The following NDUFAB1 variants were observed in gnomAD, a reference collection of about 807,000 sequenced individuals.
NDUFAB1 encodes the protein NADH:ubiquinone oxidoreductase subunit AB1, also known as acyl carrier protein, mitochondrial.
Under a neutral mutation model 16.1 loss-of-function variants are expected in NDUFAB1, and 5 were observed. The ratio of observed to expected loss-of-function variants is 0.31; its 90% CI spans 0.16 to 0.65. The LOEUF is 0.65. Ranked by LOEUF, NDUFAB1 falls within the 30% of genes least tolerant of loss-of-function variation. The pLI is 0.77. For missense variants in NDUFAB1, 187 were observed against 205.3 expected, an observed-to-expected ratio of 0.91 and a Z score of 0.54; for synonymous variants, 85 against 78.4, an observed-to-expected ratio of 1.08 and a Z score of -0.44.
At chr16:23,583,847 A>T (rs1489303709) in intron 3 of NDUFAB1, among the ~76,000 whole-genome samples, 1 of 152,162 alleles carries the variant, frequency 6.6e-6, no homozygotes, top group Non-Finnish European at 1.5e-5. Flanking sequence ...AGATAGAGAA[A>T]TCAGATTGTT....
intron 1 of NDUFAB1, chr16:23,591,098 G>A (rs1366714145): frequency 6.6e-6 from 1 of 152,070 alleles, no homozygotes; most frequent in Non-Finnish European, 1.5e-5. Flanking sequence ...CTCACCCCAT[G>A]TCCTTCCAGC....
chr16:23,585,271 A>G (rs961117109), intron 3 of NDUFAB1, 65 bp downstream of exon 3: 22 of 1,186,728 alleles, frequency 1.9e-5, no homozygotes, highest in Non-Finnish European at 2.6e-5. Flanking sequence ...GACGCCCACC[A>G]CTTCTTTCAG....
At chr16:23,588,512 T>A (rs1157388875) in intron 1 of NDUFAB1, among the ~76,000 whole-genome samples, 1 of 152,330 alleles carries the variant, frequency 6.6e-6, no homozygotes, top group African/African-American at 2.4e-5. Flanking sequence ...CTCCTGAAGT[T>A]GATTTTAAGT....
At chr16:23,595,150 G>T (rs996091177) in intron 1 of NDUFAB1, among the ~76,000 whole-genome samples, 1 of 152,068 alleles carries the variant, frequency 6.6e-6, no homozygotes, top group Non-Finnish European at 1.5e-5. Context: ...ACTCGGGGGG[G>T]CTGAGGGAGG....
At chr16:23,593,014 C>T (rs1234779720) in intron 1 of NDUFAB1, among the ~76,000 whole-genome samples, 2 of 152,172 alleles carry the variant, frequency 1.3e-5, no homozygotes, top group African/African-American at 2.4e-5. Context: ...GGGTTAGGCA[C>T]ACCAGGTGTG....
intron 3 of NDUFAB1, 140 bp from the exon 4 acceptor site, chr16:23,582,515 G>C (rs1446472342): frequency 1.5e-5 from 17 of 1,166,812 alleles, no homozygotes; most frequent in Non-Finnish European, 4.5e-6. Context: ...TTGTGGGCCA[G>C]TTAGCTTCTA....
Position 23,584,254 on chromosome 16 carries a change from T to TAAAAAA in NDUFAB1, c.379+1081_379+1082insTTTTTT, listed in dbSNP as rs774895056. ...GCGAGAAACACCCAAGAATGATCAA[T>TAAAAAA]TAAAAAAAAAAAAAAAAAAAGAAAC... On this transcript the variant is annotated intron_variant, in intron 3 of 4. Coordinates refer to ENST00000007516, the MANE Select transcript of NDUFAB1 (RefSeq NM_005003.3). Among the ~76,000 whole-genome samples, 51 of 12,092 alleles carry TAAAAAA rather than the reference T, an allele frequency of 4.2e-3. 1 individual carries two copies. Among genetic ancestry groups the TAAAAAA allele is most frequent in the East Asian group, 0.01 (3 of 300 alleles). The allele number at this position is 12,092 out of a possible 152,430, so 7.9% of individuals were successfully genotyped here.
chr16:23,584,631 G>A (rs1028108047), intron 3 of NDUFAB1, among the ~76,000 whole-genome samples: 1 of 152,100 alleles, frequency 6.6e-6, no homozygotes, highest in African/African-American at 2.4e-5. Flanking sequence ...TTACAGCTGA[G>A]GAAACAGGCT....
intron 3 of NDUFAB1, among the ~76,000 whole-genome samples, chr16:23,584,272 A>AAAAAAAAAAAAAAAAAC: frequency 7.1e-6 from 1 of 140,182 alleles, no homozygotes; most frequent in Non-Finnish European, 1.6e-5. Flanking sequence ...AAAAAAAAAA[A>AAAAAAAAAAAAAAAAAC]AAGAAACCCA....
chr16:23,586,940 G>A (rs530950078), intron 2 of NDUFAB1, among the ~76,000 whole-genome samples: 2 of 152,254 alleles, frequency 1.3e-5, no homozygotes, highest in Non-Finnish European at 2.9e-5. Flanking sequence ...GAGCCACAGT[G>A]CCCGGCCAGT....
chr16:23,589,942 GA>G (rs57098255), intron 1 of NDUFAB1, among the ~76,000 whole-genome samples: 3,365 of 70,480 alleles, frequency 0.048, 28 homozygotes, highest in African/African-American at 0.069. Context: ...TCTCCAAAAA[GA>G]AAAAAAAAAA....
At chr16:23,585,279 C>A in intron 3 of NDUFAB1, 57 bp downstream of exon 3, 1 of 1,268,962 alleles carries the variant, frequency 7.9e-7, no homozygotes, top group Admixed American at 1.8e-5. Flanking sequence ...CCACTTCTTT[C>A]AGTTTAATCC....
At chr16:23,595,434 G>A (rs1966315941) in intron 1 of NDUFAB1, 2 of 383,566 alleles carry the variant, frequency 5.2e-6, no homozygotes, top group Middle Eastern at 4.1e-4. Context: ...CTCACGTCCC[G>A]CAGTCAGCCT....
chr16:23,587,358 G>GA (rs762420629), intron 1 of NDUFAB1, 39 bp from the exon 2 acceptor site: 6 of 1,604,762 alleles, frequency 3.7e-6, no homozygotes, highest in Non-Finnish European at 5.1e-6. Context: ...TCATTGAATG[G>GA]AAAATACCTC....
chr16:23,584,120 C>A (rs868058873), intron 3 of NDUFAB1, among the ~76,000 whole-genome samples: 1 of 151,232 alleles, frequency 6.6e-6, no homozygotes, highest in Non-Finnish European at 1.5e-5. Flanking sequence ...ACAAACACTG[C>A]GGAAGGCCCC....
At chr16:23,595,761 C>T (rs991178660) in intron 1 of NDUFAB1, 1 of 464,804 alleles carries the variant, frequency 2.2e-6, no homozygotes, top group Non-Finnish European at 4.1e-6. Context: ...ATTTTGAGAC[C>T]GTACGAGGTG....
intron 1 of NDUFAB1, among the ~76,000 whole-genome samples, chr16:23,593,887 T>G (rs1158219746): frequency 1.3e-5 from 2 of 149,118 alleles, no homozygotes; most frequent in African/African-American, 4.9e-5. Flanking sequence ...TTTATTTATT[T>G]ATTTATTTAT....
rs74014950 is a variant in NDUFAB1 at position 23,595,957 on chromosome 16, G to A, written c.168+166C>T. The stretch of plus-strand genomic sequence containing the variant: ...TTATTACGAGGTCACCCGGCCTCCC[G>A]TCAGGGGTCAACTAAACACCTTTAG... On this transcript the variant is annotated intron_variant, in intron 1 of 4. Transcript: ENST00000007516. Among the ~76,000 whole-genome samples, 244 of 152,334 alleles carry A rather than the reference G, an allele frequency of 1.6e-3. 1 individual carries two copies. The highest frequency in any genetic ancestry group is 5.5e-3 in the African/African-American group (228 of 41,590).
intron 3 of NDUFAB1, among the ~76,000 whole-genome samples, chr16:23,584,242 A>C (rs1209244423): frequency 9.5e-6 from 1 of 105,334 alleles, no homozygotes; most frequent in East Asian, 2.8e-4. Context: ...AGAAACACCC[A>C]AGAATGATCA....
Sources: gnomAD v4.1 joint callset for allele counts (sites outside exome capture counted in the v4.1 genomes callset) on GRCh38, gnomAD v4.1.1 for gene constraint, MANE v1.5 for transcripts, NCBI Gene and HGNC (gene_info 2026-07-23, HGNC 2026-07-21) for gene names.